The following DDO variants were observed in gnomAD, a reference collection of about 807,000 sequenced individuals.
DDO encodes the protein D-aspartate oxidase.
DDO carries 16 observed loss-of-function variants against 16.8 expected under a neutral mutation model. The ratio of observed to expected loss-of-function variants is 0.95; its 90% confidence interval spans 0.65 to 1.45. The LOEUF is 1.45. DDO is among the 40% of genes most tolerant of loss of function. The pLI, the probability that DDO is intolerant of heterozygous loss-of-function variation, is 0.00. For missense variants in DDO, 429 were observed against 420.3 expected, an observed-to-expected ratio of 1.02 and a Z score of -0.18; for synonymous variants, 180 against 167.2, an observed-to-expected ratio of 1.08 and a Z score of -0.59.
chr6:110,388,969 A>G (rs1773058325), downstream of DDO: 1 of 250,006 alleles, frequency 4.0e-6, no homozygotes, highest in African/African-American at 2.3e-5. Flanking sequence ...GGTTAATTTT[A>G]TGTGTCAAAT....
At chr6:110,398,429 T>TACACACACACACACCA (rs1222174948) in intron 4 of DDO, among the ~76,000 whole-genome samples, 1 of 144,756 alleles carries the variant, frequency 6.9e-6, no homozygotes, top group African/African-American at 2.7e-5. Context: ...CACACACACT[T>TACACACACACACACCA]GGCCTCCCAG....
intron 3 of DDO, among the ~76,000 whole-genome samples, chr6:110,408,006 C>A (rs980785415): frequency 1.3e-5 from 2 of 152,184 alleles, no homozygotes; most frequent in African/African-American, 4.8e-5. Flanking sequence ...TCGGCTGTAC[C>A]ATCCCCACAT....
At position 110,413,313 on chromosome 6, in the gene DDO, C is replaced by G. The variant is rs1562267365; in HGVS notation, c.150G>C (p.Met50Ile). The change falls in exon 2 of 5, where the codon ATG becomes ATC. Residue 50 changes from methionine to isoleucine, a missense_variant. By Grantham distance (10) the Met-to-Ile change is conservative. Coordinates refer to ENST00000368924, the MANE Select transcript of DDO (RefSeq NM_001372108.2). ...CACCTGGATAAGTGTGAGGAATAAG[C>G]ATTCCGGCTGCCACATCACTGGTGG... ...PDTTSDVAAGMLIPHTYPDTP... is the reference protein window; with the variant it reads ...PDTTSDVAAGILIPHTYPDTP... The G allele has an allele frequency of 6.2e-7, 1 of 1,614,138 alleles. No homozygotes were observed. Among genetic ancestry groups the G allele is most frequent in the Non-Finnish European group, 8.5e-7 (1 of 1,180,024 alleles).
At chr6:110,389,322 A>G (rs1035739780), downstream of DDO, among the ~76,000 whole-genome samples, 1 of 152,230 alleles carries the variant, frequency 6.6e-6, no homozygotes, top group African/African-American at 2.4e-5. Context: ...GCTTACAGAC[A>G]GCAGATCATG....
At chr6:110,402,829 G>A (rs958451354) in intron 4 of DDO, among the ~76,000 whole-genome samples, 2 of 152,066 alleles carry the variant, frequency 1.3e-5, no homozygotes, top group Non-Finnish European at 2.9e-5. Context: ...CCCCACGCAG[G>A]AAAGCCCTTA....
At chr6:110,409,839 T>C (rs942682563) in intron 2 of DDO, among the ~76,000 whole-genome samples, 1 of 152,118 alleles carries the variant, frequency 6.6e-6, no homozygotes, top group African/African-American at 2.4e-5. Context: ...AAAAACAAAA[T>C]AGTGGCTGAG....
In DDO at chr6:110,404,851, G is replaced by A. The variant is rs529955075; in HGVS notation, c.381C>T (p.Phe127=). 16 of 1,614,140 alleles carry A rather than the reference G, an allele frequency of 9.9e-6. No homozygotes were observed. In the African/African-American group the frequency reaches 1.1e-4, roughly 11 times the overall value. ...AAGCCTGACCAAACACATACTGGGG[G>A]AATTTCTTCAGCTCAGCCTCAGTCA... ...RKMTEAELKK[F]PQYVFGQAFT... is the part of the protein sequence containing the mutation. Residue 127 remains phenylalanine, a synonymous_variant, in exon 4 of 5, where the codon TTC becomes TTT. Coordinates refer to ENST00000368924, the MANE Select transcript of DDO (RefSeq NM_001372108.2).
intron 4 of DDO, among the ~76,000 whole-genome samples, chr6:110,401,135 C>T (rs528856194): frequency 6.6e-6 from 1 of 152,202 alleles, no homozygotes; most frequent in South Asian, 2.1e-4. Context: ...TCCTGGGCCC[C>T]TTTGCTGCCA....
Position 110,408,378 on chromosome 6 carries a change from G to T in DDO, c.237C>A (p.Ala79=), listed in dbSNP as rs759549216. ...CAGCATCTCCAGCTTCTGCAGAATT[G>T]GCAATTGCAAAGAGGTGATTAAAGG... ...RETFNHLFAI[A]NSAEAGDAGV... Residue 79 remains alanine, a synonymous_variant, in exon 3 of 5, where the codon GCC becomes GCA. Transcript: ENST00000368924. The T allele has an allele frequency of 7.4e-6, 12 of 1,613,990 alleles. No individual in the cohort carries two copies. In the African/African-American group the frequency reaches 1.5e-4, roughly 20 times the overall value.
intron 4 of DDO, among the ~76,000 whole-genome samples, chr6:110,400,712 G>T (rs1266851265): frequency 2.0e-5 from 3 of 152,248 alleles, no homozygotes. Context: ...TTCAATGAAA[G>T]CTTGGGCCCG....
chr6:110,392,427 A>C lies in DDO; in HGVS notation c.*348T>G. On this transcript the variant is annotated 3_prime_UTR_variant, in exon 5 of 5. Transcript: ENST00000368924. ...CTATAAGAAGTATTTTTAACAAAAA[A>C]TAGAGCTTTATGCCCTATGCCATTA... 1 of 1,017,356 alleles carries C rather than the reference A, an allele frequency of 9.8e-7. No individual in the cohort carries two copies. Among genetic ancestry groups the C allele is most frequent in the Non-Finnish European group, 1.2e-6 (1 of 852,104 alleles). 63.0% of individuals were successfully genotyped at this position (1,017,356 alleles called of 1,614,324 possible).
In DDO at chr6:110,408,564, G is replaced by C. The variant is rs957012594; in HGVS notation, c.173-122C>G. The C allele has an allele frequency of 3.9e-6, 3 of 767,118 alleles. No individual in the cohort carries two copies. The African/African-American group carries it at 5.3e-5, about 13-fold the overall frequency. 47.5% of individuals were successfully genotyped at this position (767,118 alleles called of 1,614,324 possible). ...TAAGGAGGCAAAAATAAAATAAGGA[G>C]GCAGGGAGGAACATTAATATAAAGT... On this transcript the variant is annotated intron_variant, in intron 2 of 4. Transcript: ENST00000368924.
chr6:110,412,285 T>A (rs1773885905), intron 2 of DDO, among the ~76,000 whole-genome samples: 1 of 151,976 alleles, frequency 6.6e-6, no homozygotes, highest in African/African-American at 2.4e-5. Flanking sequence ...CATCTTCAGG[T>A]CTTAATACAT....
Position 110,393,138 on chromosome 6 carries a change from C to A in DDO, c.663G>T (p.Leu221=), listed in dbSNP as rs774756457. 2 of 1,614,158 alleles carry A rather than the reference C, an allele frequency of 1.2e-6. No individual in the cohort carries two copies. Among genetic ancestry groups the A allele is most frequent in the Non-Finnish European group, 8.5e-7 (1 of 1,179,976 alleles). Residue 221 remains leucine, a synonymous_variant, in exon 5 of 5, where the codon CTG becomes CTT. Transcript: ENST00000368924. ...GGGATGTACCAGGATAAATATATGT[C>A]AGCCCACTGCCATCTCGGATAAAAT... is the stretch of plus-strand genomic sequence containing the variant. ...VEHFIRDGSG[L]TYIYPGTSHV...
chr6:110,412,444 T>C (rs1466285791), intron 2 of DDO, among the ~76,000 whole-genome samples: 1 of 152,232 alleles, frequency 6.6e-6, no homozygotes, highest in East Asian at 1.9e-4. Context: ...CCGCCAATCA[T>C]GTAGTTGTCA....
At chr6:110,414,239 T>C (rs1773965643) in intron 1 of DDO, among the ~76,000 whole-genome samples, 2 of 152,218 alleles carry the variant, frequency 1.3e-5, no homozygotes, top group Admixed American at 6.5e-5. Flanking sequence ...TTGTTTCTAA[T>C]AATAAGGACA....
rs963197522 is a variant in DDO, at chr6:110,392,186, C to T, written c.*589G>A. 2 of 985,242 alleles carry T rather than the reference C, an allele frequency of 2.0e-6. No individual in the cohort carries two copies. The highest frequency in any genetic ancestry group is 3.5e-5 in the African/African-American group (2 of 57,228). 61.0% of individuals were successfully genotyped at this position (985,242 alleles called of 1,614,324 possible). A position where few individuals can be genotyped will look rare whatever the true frequency, so the allele number is the denominator to read the frequency against. ...ATGTAATAATCCAGCACTGTGTGAG[C>T]ACAATGTAATTTTATTTAGAGGAAT... is the stretch of plus-strand genomic sequence containing the variant. On this transcript the variant is annotated 3_prime_UTR_variant, in exon 5 of 5. Transcript: ENST00000368924.
Position 110,408,392 on chromosome 6 carries a change from G to A in DDO, c.223C>T (p.Leu75Phe), listed in dbSNP as rs1399850662. 2 of 1,614,170 alleles carry A rather than the reference G, an allele frequency of 1.2e-6. No homozygotes were observed. The highest frequency in any genetic ancestry group is 2.2e-5 in the South Asian group (2 of 91,082). The change falls in exon 3 of 5, where the codon CTC becomes TTC. Residue 75 changes from leucine (L) to phenylalanine (F), a missense_variant. Coordinates refer to ENST00000368924, the MANE Select transcript of DDO (RefSeq NM_001372108.2). ...KQWFRETFNHLFAIANSAEAG... is the reference protein window; with the variant it reads ...KQWFRETFNHFFAIANSAEAG... ...TCTGCAGAATTGGCAATTGCAAAGA[G>A]GTGATTAAAGGTTTCTCTGAACCAC...
downstream of DDO, among the ~76,000 whole-genome samples, chr6:110,391,400 A>T (rs1773097194): frequency 7.4e-6 from 1 of 135,570 alleles, no homozygotes; most frequent in Non-Finnish European, 1.5e-5. Flanking sequence ...CCCAGGCTGG[A>T]GTGTAATGGT....
Sources: allele counts gnomAD v4.1 joint callset (sites outside exome capture counted in the v4.1 genomes callset), GRCh38; gene constraint gnomAD v4.1.1; transcripts MANE v1.5; gene names NCBI Gene and HGNC (gene_info 2026-07-23, HGNC 2026-07-21).